SRGAP3: variants seen among roughly 807,000 people sequenced by gnomAD.
The protein encoded by SRGAP3 is SLIT-ROBO Rho GTPase-activating protein 3.
Under a neutral mutation model 121.1 loss-of-function variants are expected in SRGAP3, and 39 were observed. The ratio of observed to expected loss-of-function variants is 0.32; its 90% CI spans 0.25 to 0.42. The LOEUF (loss-of-function observed/expected upper bound fraction) is 0.42. Ranked by LOEUF, SRGAP3 falls within the 10% of genes least tolerant of loss-of-function variation. The pLI, the probability that SRGAP3 is intolerant of heterozygous loss-of-function variation, is 1.00. For synonymous variants in SRGAP3, 601 were observed against 570.0 expected (o/e 1.05, Z -0.77); for missense variants, 1,213 against 1,470.6 (o/e 0.82, Z 2.86).
At chr3:9,286,625 C>T (rs147169354) in intron 3 of SRGAP3, among the ~76,000 whole-genome samples, 4,510 of 151,972 alleles carry the variant, frequency 0.03, 93 homozygotes, top group South Asian at 0.05. Context: ...GTTTTTGAGA[C>T]GGAGTCTCGC....
chr3:9,072,539 C>A (rs1433363413), intron 4 of SRGAP3, among the ~76,000 whole-genome samples: 1 of 152,254 alleles, frequency 6.6e-6, no homozygotes, highest in South Asian at 2.1e-4. Flanking sequence ...TGTGCACACA[C>A]CCTGGCTGGC....
intron 2 of SRGAP3, among the ~76,000 whole-genome samples, chr3:9,112,725 C>T (rs887410492): frequency 2.0e-5 from 3 of 152,184 alleles, no homozygotes; most frequent in African/African-American, 7.2e-5. Flanking sequence ...TCCCTGGCCA[C>T]CCACACACCC....
At chr3:9,079,614 C>T (rs899420133) in intron 4 of SRGAP3, among the ~76,000 whole-genome samples, 19 of 152,316 alleles carry the variant, frequency 1.2e-4, no homozygotes, top group Non-Finnish European at 2.2e-4. Flanking sequence ...AGACAAACTG[C>T]CCACCTGCCT....
At chr3:9,159,789 G>A (rs571899258) in intron 1 of SRGAP3, among the ~76,000 whole-genome samples, 3 of 152,246 alleles carry the variant, frequency 2.0e-5, no homozygotes, top group East Asian at 1.9e-4. Flanking sequence ...GCGCCACATG[G>A]AGCCTTTCCC....
chr3:9,124,245 G>A (rs1473114243), intron 2 of SRGAP3, among the ~76,000 whole-genome samples: 1 of 152,124 alleles, frequency 6.6e-6, no homozygotes, highest in African/African-American at 2.4e-5. Context: ...TCCTCCAGGA[G>A]AGCAAGGAAG....
At chr3:9,260,695 T>C (rs1400160935) in intron 3 of SRGAP3, among the ~76,000 whole-genome samples, 2 of 152,164 alleles carry the variant, frequency 1.3e-5, no homozygotes, top group East Asian at 1.9e-4. Flanking sequence ...ACAGAGAACC[T>C]GGGGGAAGGG....
chr3:8,983,954 A>T lies in SRGAP3; in HGVS notation c.*1565T>A, dbSNP rs568576276. 7 of 229,364 alleles carry T rather than the reference A, an allele frequency of 3.1e-5. No homozygotes were observed. In the East Asian group the frequency reaches 4.4e-4, roughly 14 times the overall value. 14.2% of individuals were successfully genotyped at this position (229,364 alleles called of 1,614,324 possible). ...GAAAAGCCCCTGGGTCTCGCAGGAG[A>T]GGGTAAGTAACAGCGGCCCACAGGG... is the stretch of plus-strand genomic sequence containing the variant. On this transcript the variant is annotated 3_prime_UTR_variant, in exon 22 of 22. Transcript: ENST00000383836.
intron 1 of SRGAP3, among the ~76,000 whole-genome samples, chr3:9,135,536 C>T (rs976190532): frequency 1.3e-5 from 2 of 152,226 alleles, no homozygotes; most frequent in African/African-American, 4.8e-5. Context: ...AGCCTGGACT[C>T]TGGAGCCACT....
chr3:9,097,046 A>G (rs1004476046), intron 3 of SRGAP3, among the ~76,000 whole-genome samples: 1 of 148,176 alleles, frequency 6.7e-6, no homozygotes, highest in African/African-American at 2.5e-5. Context: ...GCTGGAGTAC[A>G]GTGGTACAAT....
intron 3 of SRGAP3, among the ~76,000 whole-genome samples, chr3:9,087,351 G>T (rs1196396819): frequency 6.6e-6 from 1 of 151,760 alleles, no homozygotes; most frequent in African/African-American, 2.4e-5. Context: ...AGATGCCAAG[G>T]ACAAGGCTAG....
At chr3:9,049,317 T>C in intron 9 of SRGAP3, 1 of 442,064 alleles carries the variant, frequency 2.3e-6, no homozygotes, top group South Asian at 1.6e-5. Context: ...CCTCTCTCCT[T>C]TTCCATGGTC....
rs931476846 is a variant in SRGAP3, at chr3:9,194,361, A to C, written c.67+54524T>G. On this transcript the variant is annotated intron_variant, in intron 1 of 21. Transcript: ENST00000383836. ...TCATCTGTAAAATAGAAAAAAAAAA[A>C]CCTATGTCATAACGTTGATAAACAG... The C allele has an allele frequency of 3.3e-5, 5 of 152,172 alleles. No homozygotes were observed. The East Asian group carries it at 7.7e-4, about 23-fold the overall frequency. The allele number at this position is 152,172 out of a possible 1,614,324, so 9.4% of individuals were successfully genotyped here.
chr3:9,235,880 G>A (rs1208194763), intron 1 of SRGAP3: 8 of 152,428 alleles, frequency 5.2e-5, no homozygotes, highest in Non-Finnish European at 1.2e-4. Context: ...GGCATTTAAT[G>A]TGAATGCATT....
At chr3:9,316,030 T>C (rs1955339169) in intron 3 of SRGAP3, among the ~76,000 whole-genome samples, 1 of 152,312 alleles carries the variant, frequency 6.6e-6, no homozygotes, top group South Asian at 2.1e-4. Context: ...CTTGGTTTTG[T>C]TGAATATTTT....
chr3:9,355,227 G>T (rs74538278), intron 1 of SRGAP3, among the ~76,000 whole-genome samples: 1 of 152,096 alleles, frequency 6.6e-6, no homozygotes, highest in Non-Finnish European at 1.5e-5. Flanking sequence ...CCCAGAATTT[G>T]ACAGTTCTCA....
rs536593745 is a variant in SRGAP3, at chr3:9,231,247, G to C, written c.67+17638C>G. ...AACAATAGTGTAACTGGTGATCTGGGGGGGCATTCCCGTTTCTTGGGAGAC... is the reference window on the plus strand; with the variant it reads ...AACAATAGTGTAACTGGTGATCTGGCGGGGCATTCCCGTTTCTTGGGAGAC... On this transcript the variant is annotated intron_variant, in intron 1 of 21. Transcript: ENST00000383836. Among the ~76,000 whole-genome samples, 82 of 152,272 alleles carry C rather than the reference G, an allele frequency of 5.4e-4. 5 individuals are homozygous for C. The South Asian group carries it at 0.016, about 29-fold the overall frequency.
intron 3 of SRGAP3, among the ~76,000 whole-genome samples, chr3:9,260,194 C>A (rs1025631153): frequency 9.9e-5 from 15 of 152,264 alleles, no homozygotes; most frequent in African/African-American, 3.6e-4. Flanking sequence ...ACCACCAGGG[C>A]CCTGGGTTTC....
intron 2 of SRGAP3, among the ~76,000 whole-genome samples, chr3:9,123,440 CT>C (rs1949098112): frequency 6.6e-6 from 1 of 151,544 alleles, no homozygotes; most frequent in Non-Finnish European, 1.5e-5. Flanking sequence ...GGTATGGTGG[CT>C]CACATCTGTA....
intron 1 of SRGAP3, among the ~76,000 whole-genome samples, chr3:9,361,407 T>C (rs2030815458): frequency 6.6e-6 from 1 of 152,198 alleles, no homozygotes; most frequent in African/African-American, 2.4e-5. Context: ...CCCAGCCCCT[T>C]TGCACATTTA....
Sources: allele counts gnomAD v4.1 joint callset (sites outside exome capture counted in the v4.1 genomes callset), GRCh38; gene constraint gnomAD v4.1.1; transcripts MANE v1.5; gene names NCBI Gene and HGNC (gene_info 2026-07-23, HGNC 2026-07-21).